Variants in GRAMD4 observed in about 807,000 individuals in gnomAD.
The protein encoded by GRAMD4 is GRAM domain containing 4, also known as GRAM domain-containing protein 4.
In GRAMD4, 25 loss-of-function variants were observed where a neutral mutation model predicts 83.9. That is an observed-to-expected ratio of 0.30 (90% CI 0.22 to 0.42). The LOEUF (loss-of-function observed/expected upper bound fraction) is 0.42. GRAMD4 is among the 10% of genes least tolerant of loss of function. The probability of loss-of-function intolerance (pLI) is 1.00; values close to 1 mark genes in which losing one functional copy is unlikely to be tolerated. For missense variants in GRAMD4, 593 were observed against 788.7 expected (o/e 0.75, Z 2.97); for synonymous variants, 336 against 320.9 (o/e 1.05, Z -0.50).
chr22:46,582,987 C>T (rs1014028157), intron 1 of GRAMD4, among the ~76,000 whole-genome samples: 13 of 152,158 alleles, frequency 8.5e-5, no homozygotes, highest in Non-Finnish European at 1.3e-4. Context: ...TGCAATGGTG[C>T]GATCTCAGCT....
rs529270030 is a variant in GRAMD4, at chr22:46,593,549, C to T, written c.-50+16259C>T. Among the ~76,000 whole-genome samples the T allele has an allele frequency of 8.5e-5, 13 of 152,176 alleles. No individual in the cohort carries two copies. The East Asian group carries it at 1.9e-3, about 23-fold the overall frequency. ...GCTAGTGTTGCATTAAGTGACTTCCCGTAGCAGGCTGTTCAGTGCTGGGGC... is the reference window on the plus strand; with the variant it reads ...GCTAGTGTTGCATTAAGTGACTTCCTGTAGCAGGCTGTTCAGTGCTGGGGC... On this transcript the variant is annotated intron_variant, in intron 1 of 1. Coordinates refer to the GRAMD4 transcript ENST00000431155.
upstream of GRAMD4, among the ~76,000 whole-genome samples, chr22:46,576,975 C>G (rs2081047539): frequency 1.4e-5 from 2 of 144,876 alleles, no homozygotes; most frequent in Admixed American, 6.8e-5. Flanking sequence ...CCCCCGCGGA[C>G]CCCCGAGCCG....
intron 3 of GRAMD4, among the ~76,000 whole-genome samples, chr22:46,652,050 G>A (rs992162202): frequency 1.3e-5 from 2 of 152,160 alleles, no homozygotes; most frequent in Non-Finnish European, 1.5e-5. Context: ...CGATTGTCTC[G>A]AGGGAGAGTG....
intron 1 of GRAMD4, among the ~76,000 whole-genome samples, chr22:46,625,455 C>A (rs751304564): frequency 6.6e-6 from 1 of 152,246 alleles, no homozygotes; most frequent in East Asian, 1.9e-4. Context: ...TTGGGAAATA[C>A]CCCCGCCAGG....
chr22:46,617,152 G>C (rs2081513515), upstream of GRAMD4, among the ~76,000 whole-genome samples: 2 of 141,416 alleles, frequency 1.4e-5, no homozygotes, highest in Admixed American at 7.0e-5. Flanking sequence ...GTGTGTGTAG[G>C]TTCCCCCGTG....
chr22:46,625,221 C>A (rs540530991), intron 1 of GRAMD4, among the ~76,000 whole-genome samples: 1 of 152,332 alleles, frequency 6.6e-6, no homozygotes, highest in East Asian at 1.9e-4. Flanking sequence ...CCAGGAGAGC[C>A]TCCCCTCCCC....
At chr22:46,644,598 C>T (rs2147259326) in intron 3 of GRAMD4, among the ~76,000 whole-genome samples, 1 of 151,882 alleles carries the variant, frequency 6.6e-6, no homozygotes, top group Non-Finnish European at 1.5e-5. Context: ...CGGGTTACAT[C>T]TGTCCCTGTT....
At chr22:46,674,556 C>G in intron 15 of GRAMD4, 101 bp from the exon 16 acceptor site, 1 of 851,752 alleles carries the variant, frequency 1.2e-6, no homozygotes, top group Non-Finnish European at 2.0e-6. Flanking sequence ...GCGCGGTGGG[C>G]GGATGTCAGG....
downstream of GRAMD4, among the ~76,000 whole-genome samples, chr22:46,680,643 C>CCATCA (rs2082660998): frequency 7.1e-6 from 1 of 141,560 alleles, no homozygotes; most frequent in Non-Finnish European, 1.6e-5. Flanking sequence ...TCCATCCATT[C>CCATCA]ATCCATCCAC....
chr22:46,672,786 G>C lies in GRAMD4; in HGVS notation c.1085-57G>C, dbSNP rs982333128. The C allele has an allele frequency of 4.2e-5, 60 of 1,427,850 alleles. No individual in the cohort carries two copies. Among genetic ancestry groups the C allele is most frequent in the Admixed American group, 1.1e-4 (6 of 56,292 alleles). The allele number at this position is 1,427,850 out of a possible 1,614,324, so 88.4% of individuals were successfully genotyped here. Reference sequence around the variant, plus strand: ...GGAGGTGCCGGAACCATCACCCTGAGTAGACTGGCATAGCTGCAGAGCTCT... The same window carrying C: ...GGAGGTGCCGGAACCATCACCCTGACTAGACTGGCATAGCTGCAGAGCTCT... On this transcript the variant is annotated intron_variant, in intron 13 of 18. Transcript: ENST00000406902. The surrounding 1 kb of genome is among the most constrained non-coding windows in gnomAD (Gnocchi z 4.7).
chr22:46,679,501 G>GT lies in GRAMD4; in HGVS notation c.*2255dup. ...GGGCTCCCCGTGGAGAGAAGCTGTAGTTTTTACCAAATTGTGTACATCTGG... is the reference window on the plus strand; with the variant it reads ...GGGCTCCCCGTGGAGAGAAGCTGTAGTTTTTTACCAAATTGTGTACATCTGG... On this transcript the variant is annotated 3_prime_UTR_variant, in exon 19 of 19. Coordinates refer to ENST00000406902, the MANE Select transcript of GRAMD4 (RefSeq NM_015124.5). 1 of 985,612 alleles carries GT rather than the reference G, an allele frequency of 1.0e-6. No individual in the cohort carries two copies. Among genetic ancestry groups the GT allele is most frequent in the Non-Finnish European group, 1.2e-6 (1 of 829,898 alleles). 61.1% of individuals were successfully genotyped at this position (985,612 alleles called of 1,614,324 possible).
chr22:46,666,153 C>T (rs1188179086), intron 9 of GRAMD4, among the ~76,000 whole-genome samples: 1 of 152,200 alleles, frequency 6.6e-6, no homozygotes, highest in Non-Finnish European at 1.5e-5. Flanking sequence ...CGCGTTAACC[C>T]CAACCCTGGC....
Position 46,599,324 on chromosome 22 carries a change from G to GT in GRAMD4, c.-50+22045dup, listed in dbSNP as rs922529791. On this transcript the variant is annotated intron_variant, in intron 1 of 1. Coordinates refer to the GRAMD4 transcript ENST00000431155. ...TAGTTGTGCTTTTAGATACTAAGTT[G>GT]TTTTTTTTTTTGAGACGGAGTCTTG... Among the ~76,000 whole-genome samples the GT allele has an allele frequency of 1.4e-3, 203 of 146,834 alleles. 1 individual carries two copies. The highest frequency in any genetic ancestry group is 3.7e-3 in the South Asian group (17 of 4,540).
chr22:46,601,184 A>G (rs1224334930), intron 1 of GRAMD4, among the ~76,000 whole-genome samples: 3 of 152,122 alleles, frequency 2.0e-5, no homozygotes, highest in Admixed American at 6.5e-5. Flanking sequence ...GAATTAGTGA[A>G]GAGGGGTGCC....
At chr22:46,623,342 T>C (rs1224602947) in intron 1 of GRAMD4, among the ~76,000 whole-genome samples, 2 of 152,228 alleles carry the variant, frequency 1.3e-5, no homozygotes, top group Non-Finnish European at 2.9e-5. Flanking sequence ...GTGTGCTTGC[T>C]CTGCCGCATT....
chr22:46,642,122 G>T (rs1452356051), intron 3 of GRAMD4, among the ~76,000 whole-genome samples: 3 of 152,252 alleles, frequency 2.0e-5, no homozygotes, highest in East Asian at 1.9e-4. Flanking sequence ...GCCTCTTTCA[G>T]TTGGCTTCTG....
rs1259276699 is a variant in GRAMD4 at position 46,655,664 on chromosome 22, C to T, written c.284-2523C>T. Among the ~76,000 whole-genome samples, 5 of 152,330 alleles carry T rather than the reference C, an allele frequency of 3.3e-5. No individual in the cohort carries two copies. The East Asian group carries it at 9.7e-4, about 29-fold the overall frequency. On this transcript the variant is annotated intron_variant, in intron 3 of 18. Coordinates refer to ENST00000406902, the MANE Select transcript of GRAMD4 (RefSeq NM_015124.5). ...AGACGTGTCCCCCACAGCCCTGGGTCAGGGGCCCTGCAGCTCCTGCCACCT... is the reference window on the plus strand; with the variant it reads ...AGACGTGTCCCCCACAGCCCTGGGTTAGGGGCCCTGCAGCTCCTGCCACCT...
Position 46,675,482 on chromosome 22 carries a change from A to T in GRAMD4, c.1493A>T (p.Glu498Val). ...LYVTENYLCF[E>V]SSKSGSSKRN... ...TCCCCTTCCAGTTACTTGTGCTTCGAAAGCTCCAAATCTGGGTCCTCAAAG... is the reference window on the plus strand; with the variant it reads ...TCCCCTTCCAGTTACTTGTGCTTCGTAAGCTCCAAATCTGGGTCCTCAAAG... The change falls in exon 17 of 19, where the codon GAA becomes GTA. Residue 498 changes from glutamate (E) to valine (V), a missense_variant. By Grantham distance (121) the Glu-to-Val change is moderately radical (BLOSUM62 -2). This residue lies in a region of GRAMD4 where 74 missense variants were observed against 152.7 expected (regional missense o/e 0.48). Transcript: ENST00000406902. The T allele has an allele frequency of 6.2e-7, 1 of 1,612,572 alleles. No homozygotes were observed. The highest frequency in any genetic ancestry group is 1.1e-5 in the South Asian group (1 of 91,062).
chr22:46,627,967 C>T (rs923590203), intron 2 of GRAMD4, among the ~76,000 whole-genome samples: 34 of 152,160 alleles, frequency 2.2e-4, no homozygotes, highest in Admixed American at 2.0e-4. Context: ...ACCGGGACCC[C>T]GGTAGGGTGT....
Sources: gnomAD v4.1 joint callset for allele counts (sites outside exome capture counted in the v4.1 genomes callset) on GRCh38, gnomAD v4.1.1 for gene constraint, gnomAD v4.1.1 regional missense constraint, Gnocchi (gnomAD v3.1) non-coding constraint, MANE v1.5 for transcripts, NCBI Gene and HGNC (gene_info 2026-07-23, HGNC 2026-07-21) for gene names.